Variants in TBC1D2B observed in about 807,000 individuals in gnomAD.
TBC1D2B encodes the protein TBC1 domain family member 2B.
Under a neutral mutation model 100.8 loss-of-function variants are expected in TBC1D2B, and 64 were observed. That is an observed-to-expected ratio of 0.64 (90% CI 0.52 to 0.78). The LOEUF (loss-of-function observed/expected upper bound fraction) is 0.78, where lower values mean the gene tolerates loss of function less well. Among genes scored for constraint, TBC1D2B ranks in the 30% least tolerant of loss-of-function variants. The pLI, the probability that TBC1D2B is intolerant of heterozygous loss-of-function variation, is 0.00. For synonymous variants in TBC1D2B, 480 were observed against 479.7 expected (o/e 1.00, Z -0.01); for missense variants, 1,052 against 1,218.4 (o/e 0.86, Z 2.03).
intron 3 of TBC1D2B, among the ~76,000 whole-genome samples, chr15:78,043,402 ATTTTTTCT>A (rs1378678127): frequency 6.6e-6 from 1 of 151,752 alleles, no homozygotes; most frequent in Non-Finnish European, 1.5e-5. Context: ...CTCTTTTTTC[ATTTTTTCT>A]TTTTTTTGAG....
chr15:78,025,162 T>C (rs763189909), intron 5 of TBC1D2B, 97 bp downstream of exon 5: 19 of 1,038,338 alleles, frequency 1.8e-5, no homozygotes, highest in Non-Finnish European at 2.7e-5. Flanking sequence ...AACAAAGCTG[T>C]CCCCAGAAAG....
chr15:78,044,824 T>C (rs1441816902), intron 3 of TBC1D2B, 76 bp downstream of exon 3: 5 of 1,306,006 alleles, frequency 3.8e-6, no homozygotes, highest in Non-Finnish European at 4.2e-6. Context: ...TTTTATAACT[T>C]CATTTATAAA....
chr15:78,050,497 A>G (rs2073291388), intron 2 of TBC1D2B, among the ~76,000 whole-genome samples: 1 of 152,234 alleles, frequency 6.6e-6, no homozygotes, highest in African/African-American at 2.4e-5. Context: ...AATGTGCTAG[A>G]CATACATCCT....
At chr15:78,034,653 T>C (rs1474298123) in intron 3 of TBC1D2B, 68 of 985,400 alleles carry the variant, frequency 6.9e-5, no homozygotes, top group Non-Finnish European at 8.2e-5. Flanking sequence ...GTTTCCAGCC[T>C]GTTGCAAGCC....
chr15:78,044,768 G>A (rs2073161230), intron 3 of TBC1D2B, 132 bp downstream of exon 3: 3 of 806,310 alleles, frequency 3.7e-6, no homozygotes. Flanking sequence ...ATGATCTATG[G>A]GAAAGTATGA....
chr15:77,999,007 T>C (rs534115103), intron 12 of TBC1D2B: 5 of 216,634 alleles, frequency 2.3e-5, no homozygotes, highest in African/African-American at 6.9e-5. Flanking sequence ...CACTGGTCAG[T>C]GGCTTAATAA....
chr15:78,027,514 G>A (rs1264220856), intron 4 of TBC1D2B, among the ~76,000 whole-genome samples: 1 of 152,250 alleles, frequency 6.6e-6, no homozygotes, highest in Non-Finnish European at 1.5e-5. Flanking sequence ...TACCCATGAA[G>A]AGAGTAAGAT....
chr15:78,033,677 TTAAAA>T (rs1404885692), intron 3 of TBC1D2B, among the ~76,000 whole-genome samples: 4 of 152,182 alleles, frequency 2.6e-5, no homozygotes, highest in Admixed American at 1.3e-4. Context: ...AATGAAGTTA[TTAAAA>T]TAAACATGCA....
chr15:78,064,676 T>C (rs1414866680), intron 1 of TBC1D2B, among the ~76,000 whole-genome samples: 1 of 152,116 alleles, frequency 6.6e-6, no homozygotes, highest in East Asian at 1.9e-4. Context: ...TAAATAACTC[T>C]AGGTTCCAAA....
rs1302409122 is a variant in TBC1D2B, at chr15:78,016,561, T to C, written c.1760A>G (p.Lys587Arg). 6.2e-7 allele frequency: 1 copy of C among 1,612,492 alleles called. No individual in the cohort carries two copies. Among genetic ancestry groups the C allele is most frequent in the Non-Finnish European group, 8.5e-7 (1 of 1,179,658 alleles). Reference protein sequence around the residue: ...SQEQPEQAFVKPHLVSEYDIY... With the variant: ...SQEQPEQAFVRPHLVSEYDIY... ...GCACATTTACCTGACAAGATGAGGTTTAACAAATGCTTGCTCCGGCTGCTC... is the reference window on the plus strand; with the variant it reads ...GCACATTTACCTGACAAGATGAGGTCTAACAAATGCTTGCTCCGGCTGCTC... Residue 587 changes from lysine (K) to arginine (R), a missense_variant, in exon 8 of 13, where the codon AAA becomes AGA. Physicochemically the swap from Lys to Arg is conservative, Grantham distance 26. Coordinates refer to ENST00000300584, the MANE Select transcript of TBC1D2B (RefSeq NM_144572.2).
intron 3 of TBC1D2B, chr15:78,034,635 G>C: frequency 1.0e-6 from 1 of 984,992 alleles, no homozygotes; most frequent in Non-Finnish European, 1.2e-6. Flanking sequence ...CTCCCACCGC[G>C]GTTTTGGGTT....
chr15:78,061,257 A>G (rs1166151463), intron 1 of TBC1D2B, among the ~76,000 whole-genome samples: 7 of 134,714 alleles, frequency 5.2e-5, no homozygotes, highest in African/African-American at 2.0e-4. Context: ...AAACAAAACA[A>G]AAGACCCTGT....
intron 10 of TBC1D2B, among the ~76,000 whole-genome samples, chr15:78,007,142 G>GGA: frequency 6.6e-6 from 1 of 152,356 alleles, no homozygotes; most frequent in Middle Eastern, 3.4e-3. Context: ...GGATTATGTA[G>GGA]GAGAGTACCC....
At chr15:78,071,569 G>T (rs2073743447) in intron 1 of TBC1D2B, among the ~76,000 whole-genome samples, 1 of 152,182 alleles carries the variant, frequency 6.6e-6, no homozygotes, top group South Asian at 2.1e-4. Flanking sequence ...CTCTCCTCTG[G>T]GGAAGGGTGA....
In TBC1D2B at chr15:78,001,689, A is replaced by T. The variant is rs748968805; in HGVS notation, c.2626T>A (p.Leu876Met). 4.4e-6 allele frequency: 7 copies of T among 1,608,762 alleles called. No homozygotes were observed. Among genetic ancestry groups the T allele is most frequent in the Non-Finnish European group, 5.1e-6 (6 of 1,177,574 alleles). The part of the protein sequence containing the change: ...ALFKYKEEEI[L>M]KLQDSMSIFK... ...ATAGACATCGAATCTTGCAATTTCA[A>T]AATCTCCTCTTCCTTGTACTTAAAA... Residue 876 changes from leucine (L) to methionine (M), a missense_variant, in exon 12 of 13, where the codon TTG (leucine) becomes ATG (methionine). Transcript: ENST00000300584.
rs144923609 is a variant in TBC1D2B, at chr15:78,000,687, C to T, written c.2696+932G>A. On this transcript the variant is annotated intron_variant, in intron 12 of 12. Coordinates refer to ENST00000300584, the MANE Select transcript of TBC1D2B (RefSeq NM_144572.2). ...GCACCTCAGCTCCCATTGTCCAAAT[C>T]GGCTCTCAGGGTCAGAGCAGCCAAC... Among the ~76,000 whole-genome samples the T allele has an allele frequency of 2.6e-4, 39 of 152,350 alleles. No homozygotes were observed. The East Asian group carries it at 6.4e-3, about 25-fold the overall frequency.
intron 6 of TBC1D2B, among the ~76,000 whole-genome samples, chr15:78,019,900 A>AGG (rs2072472874): frequency 7.0e-6 from 1 of 143,698 alleles, no homozygotes; most frequent in African/African-American, 2.5e-5. Context: ...AAAAAAAAAA[A>AGG]AGGGGGGGGG....
chr15:78,045,803 C>A (rs934442330), intron 2 of TBC1D2B, among the ~76,000 whole-genome samples: 1 of 152,084 alleles, frequency 6.6e-6, no homozygotes, highest in African/African-American at 2.4e-5. Flanking sequence ...ATCAATGAAA[C>A]GAGGGGTAAT....
At chr15:78,017,251 G>A (rs1296776543) in intron 7 of TBC1D2B, 1 of 154,056 alleles carries the variant, frequency 6.5e-6, no homozygotes, top group Non-Finnish European at 1.4e-5. Context: ...GTATATAACA[G>A]CTGTTGACAA....
Sources: allele counts gnomAD v4.1 joint callset (sites outside exome capture counted in the v4.1 genomes callset), GRCh38; gene constraint gnomAD v4.1.1; transcripts MANE v1.5; gene names NCBI Gene and HGNC (gene_info 2026-07-23, HGNC 2026-07-21).